Variants in TSPAN9 observed in about 807,000 individuals in gnomAD.
TSPAN9 encodes tetraspanin 9, also known as tetraspanin-9.
Under a neutral mutation model 31.0 loss-of-function variants are expected in TSPAN9, and 16 were observed. The observed-to-expected ratio is 0.52, with a 90% CI of 0.35 to 0.78. The LOEUF (loss-of-function observed/expected upper bound fraction) is 0.78. Among genes scored for constraint, TSPAN9 ranks in the 30% least tolerant of loss-of-function variants. The pLI, the probability that TSPAN9 is intolerant of heterozygous loss-of-function variation, is 0.01. For missense variants in TSPAN9, 272 were observed against 312.5 expected (o/e 0.87, Z 0.98); for synonymous variants, 145 against 121.6 (o/e 1.19, Z -1.27).
At chr12:3,109,446 C>T (rs895970516) in intron 2 of TSPAN9, among the ~76,000 whole-genome samples, 1 of 151,726 alleles carries the variant, frequency 6.6e-6, no homozygotes, top group Non-Finnish European at 1.5e-5. Context: ...GTGTGTATGT[C>T]GCTTGTGGAT....
chr12:3,159,667 G>A (rs2097928947), intron 2 of TSPAN9, among the ~76,000 whole-genome samples: 1 of 152,154 alleles, frequency 6.6e-6, no homozygotes, highest in African/African-American at 2.4e-5. Context: ...AGGAGTTTAA[G>A]ACCAGCATGG....
chr12:3,194,612 C>T (rs984806450), intron 2 of TSPAN9, among the ~76,000 whole-genome samples: 4 of 152,166 alleles, frequency 2.6e-5, no homozygotes, highest in Admixed American at 2.6e-4. Context: ...ATCTCGAATT[C>T]CTGGGCTCAA....
At chr12:3,146,444 A>G (rs1001417859) in intron 2 of TSPAN9, among the ~76,000 whole-genome samples, 2 of 152,150 alleles carry the variant, frequency 1.3e-5, no homozygotes, top group African/African-American at 2.4e-5. Flanking sequence ...CGTCTCTCCT[A>G]CCAGTATCTG....
chr12:3,247,754 G>A (rs79817664), intron 3 of TSPAN9, among the ~76,000 whole-genome samples: 2 of 152,188 alleles, frequency 1.3e-5, no homozygotes, highest in Admixed American at 6.5e-5. Flanking sequence ...TGGATCTGTT[G>A]ATGCCAGTTC....
chr12:3,084,507 C>T (rs1240470053), intron 2 of TSPAN9, among the ~76,000 whole-genome samples: 4 of 152,090 alleles, frequency 2.6e-5, no homozygotes, highest in Non-Finnish European at 4.4e-5. Flanking sequence ...GCCAAAGATT[C>T]TCTTGTCTGT....
At chr12:3,179,898 C>T (rs766617220) in intron 2 of TSPAN9, among the ~76,000 whole-genome samples, 38 of 152,182 alleles carry the variant, frequency 2.5e-4, no homozygotes, top group South Asian at 4.1e-4. Context: ...TCACGGTACA[C>T]GTAACGTTTT....
chr12:3,083,180 AAAC>A (rs1213096852), intron 1 of TSPAN9, among the ~76,000 whole-genome samples: 1 of 152,240 alleles, frequency 6.6e-6, no homozygotes, highest in African/African-American at 2.4e-5. Flanking sequence ...GTAGAGATGA[AAAC>A]AACAAGGTGG....
chr12:3,095,362 G>A (rs2098307590), intron 2 of TSPAN9, among the ~76,000 whole-genome samples: 1 of 150,656 alleles, frequency 6.6e-6, no homozygotes, highest in South Asian at 2.1e-4. Flanking sequence ...TGTCATCCTG[G>A]CCCGTTCTCA....
At chr12:3,145,179 T>G (rs1232055588) in intron 2 of TSPAN9, among the ~76,000 whole-genome samples, 1 of 152,152 alleles carries the variant, frequency 6.6e-6, no homozygotes, top group African/African-American at 2.4e-5. Context: ...GTCAACTGCT[T>G]GGACCGTGAG....
In TSPAN9 at chr12:3,172,870, A is replaced by G. The variant is rs2098352848; in HGVS notation, c.-17-28307A>G. ...CTAACCGCACGCGGCAGGCGAGTCTATTAAACAGAGAGGCTGGTCCCAGCG... is the reference window on the plus strand; with the variant it reads ...CTAACCGCACGCGGCAGGCGAGTCTGTTAAACAGAGAGGCTGGTCCCAGCG... On this transcript the variant is annotated intron_variant, in intron 2 of 8. Coordinates refer to ENST00000011898, the MANE Select transcript of TSPAN9 (RefSeq NM_006675.5). The surrounding 1 kb of genome is among the most constrained non-coding windows in gnomAD (Gnocchi z 4.8). The G allele has an allele frequency of 6.6e-6, 1 of 152,252 alleles. No homozygotes were observed. The highest frequency in any genetic ancestry group is 1.5e-5 in the Non-Finnish European group (1 of 68,066). The allele number at this position is 152,252 out of a possible 1,614,324, so 9.4% of individuals were successfully genotyped here.
rs1044747689 is a variant in TSPAN9 at position 3,135,806 on chromosome 12, C to A, written c.-18+52087C>A. ...GTCTGAGGAAAGGCTGGGATGAAGC[C>A]GAGGCAGCCCTCTCAGACGTACCCT... is the stretch of plus-strand genomic sequence containing the variant. On this transcript the variant is annotated intron_variant, in intron 2 of 8. Coordinates refer to ENST00000011898, the MANE Select transcript of TSPAN9 (RefSeq NM_006675.5). 2.6e-5 allele frequency among the ~76,000 whole-genome samples: 4 copies of A among 152,264 alleles called. No homozygotes were observed. In the South Asian group the frequency reaches 8.3e-4, roughly 32 times the overall value.
At chr12:3,120,278 GAC>G (rs1423292483) in intron 2 of TSPAN9, among the ~76,000 whole-genome samples, 2 of 152,166 alleles carry the variant, frequency 1.3e-5, no homozygotes, top group African/African-American at 4.8e-5. Context: ...CTGGGGACAG[GAC>G]ACAACCTTGG....
intron 2 of TSPAN9, among the ~76,000 whole-genome samples, chr12:3,146,593 T>C (rs1423999540): frequency 6.6e-6 from 1 of 152,166 alleles, no homozygotes; most frequent in African/African-American, 2.4e-5. Context: ...TGGAATAAGT[T>C]TAAATGCCTC....
At chr12:3,251,818 T>C (rs935499962) in intron 3 of TSPAN9, among the ~76,000 whole-genome samples, 3 of 152,158 alleles carry the variant, frequency 2.0e-5, no homozygotes, top group Admixed American at 2.0e-4. Flanking sequence ...AGGAGTGTTA[T>C]GCTGGAAAGG....
At position 3,108,483 on chromosome 12, in the gene TSPAN9, C is replaced by T. The variant is rs559310236; in HGVS notation, c.-18+24764C>T. Among the ~76,000 whole-genome samples the T allele has an allele frequency of 1.4e-4, 22 of 152,260 alleles. No individual in the cohort carries two copies. The East Asian group carries it at 3.7e-3, about 25-fold the overall frequency. On this transcript the variant is annotated intron_variant, in intron 2 of 8. Transcript: ENST00000011898. ...TTTCTCTCTGGAGTCTCTGGTGTCC[C>T]GTGGAAAAGTCTCTCTGTCTCTAGT...
intron 3 of TSPAN9, among the ~76,000 whole-genome samples, chr12:3,203,921 G>C (rs1312302164): frequency 6.6e-6 from 1 of 152,156 alleles, no homozygotes; most frequent in African/African-American, 2.4e-5. Flanking sequence ...TGCTTGGCCT[G>C]ATACTGGGGA....
intron 3 of TSPAN9, 89 bp downstream of exon 3, chr12:3,201,345 C>A: frequency 7.7e-7 from 1 of 1,297,492 alleles, no homozygotes; most frequent in Non-Finnish European, 1.1e-6. Flanking sequence ...TTCTGTGCTG[C>A]ATTGCTCTGC....
At chr12:3,101,861 C>T (rs531178569) in intron 2 of TSPAN9, among the ~76,000 whole-genome samples, 1 of 152,292 alleles carries the variant, frequency 6.6e-6, no homozygotes, top group South Asian at 2.1e-4. Flanking sequence ...AGCCTGGCGG[C>T]CTTGCTGCAG....
intron 2 of TSPAN9, among the ~76,000 whole-genome samples, chr12:3,123,386 C>G (rs896883109): frequency 6.6e-6 from 1 of 152,192 alleles, no homozygotes; most frequent in African/African-American, 2.4e-5. Flanking sequence ...TGACCTAGAG[C>G]TTCTGTGGCT....
Sources: gnomAD v4.1 joint callset for allele counts (sites outside exome capture counted in the v4.1 genomes callset) on GRCh38, gnomAD v4.1.1 for gene constraint, Gnocchi (gnomAD v3.1) non-coding constraint, MANE v1.5 for transcripts, NCBI Gene and HGNC (gene_info 2026-07-23, HGNC 2026-07-21) for gene names.